The following ROBO4 variants were observed in gnomAD, a reference collection of about 807,000 sequenced individuals.
ROBO4 encodes the protein roundabout guidance receptor 4, also known as roundabout homolog 4.
Under a neutral mutation model 103.3 loss-of-function variants are expected in ROBO4, and 80 were observed. The ratio of observed to expected loss-of-function variants is 0.77; its 90% CI spans 0.65 to 0.93. The LOEUF (loss-of-function observed/expected upper bound fraction) is 0.93, where lower values mean the gene tolerates loss of function less well. ROBO4 is among the 40% of genes least tolerant of loss of function. The pLI is 0.00. For synonymous variants in ROBO4, 504 were observed against 529.7 expected (o/e 0.95, Z 0.67); for missense variants, 1,333 against 1,305.3 (o/e 1.02, Z -0.33).
intron 2 of ROBO4, 54 bp downstream of exon 2, chr11:124,896,878 C>A: frequency 6.3e-7 from 1 of 1,575,350 alleles, no homozygotes. Flanking sequence ...ACATTCAGCT[C>A]AGATGTCTCC....
Position 124,897,050 on chromosome 11 carries a change from AG to A in ROBO4, c.281del (p.Pro94LeufsTer100), listed in dbSNP as rs1376565313. The A allele has an allele frequency of 6.2e-7, 1 of 1,613,520 alleles. No homozygotes were observed. Among genetic ancestry groups the A allele is most frequent in the Non-Finnish European group, 8.5e-7 (1 of 1,179,788 alleles). On this transcript the variant is annotated frameshift_variant, in exon 2 of 18. Coordinates refer to ENST00000306534, the MANE Select transcript of ROBO4 (RefSeq NM_019055.6). LOFTEE classifies it high-confidence loss of function. ...GGCCATCGTGGGCATGTCCCCGGGC[AG>A]GGGGCTGTAGCAGCAGAAGGGTCCC... ...PDGTLLLLQP[P>X]ARGHAHDGQA...
rs1283874929 is a variant in ROBO4, at chr11:124,891,529, G to A, written c.1718C>T (p.Pro573Leu). ...LSWDSRSPGV[P>L]LLPDTSTFYG... Reference sequence around the variant, plus strand: ...AAAAGTGCTGGTGTCTGGAAGCAGGGGCACGCCGGGGCTTCGGGAGTCCCA... The same window carrying A: ...AAAAGTGCTGGTGTCTGGAAGCAGGAGCACGCCGGGGCTTCGGGAGTCCCA... The change falls in exon 12 of 18, where the codon CCC (proline) becomes CTC (leucine). Residue 573 changes from proline to leucine, a missense_variant. Transcript: ENST00000306534. 4.3e-6 allele frequency: 7 copies of A among 1,614,084 alleles called. No homozygotes were observed. The highest frequency in any genetic ancestry group is 5.9e-6 in the Non-Finnish European group (7 of 1,180,038).
At chr11:124,895,219 A>T in intron 6 of ROBO4, 26 bp from the exon 7 acceptor site, 1 of 1,541,694 alleles carries the variant, frequency 6.5e-7, no homozygotes, top group African/African-American at 1.4e-5. Flanking sequence ...AGAGACTATG[A>T]GGGGCTCTGA....
chr11:124,885,059 G>C lies in ROBO4; in HGVS notation c.2983C>G (p.Arg995Gly). The C allele has an allele frequency of 6.2e-7, 1 of 1,614,144 alleles. No individual in the cohort carries two copies. Among genetic ancestry groups the C allele is most frequent in the Non-Finnish European group, 8.5e-7 (1 of 1,180,018 alleles). Residue 995 changes from arginine (R) to glycine (G), a missense_variant, in exon 17 of 18, where the codon CGT (arginine) becomes GGT (glycine). Arg to Gly is a moderately radical substitution (Grantham distance 125, BLOSUM62 -2). Transcript: ENST00000306534. ...CACTCACCACCAGCCTTGGGCATAC[G>C]ACAGTGGAGCTGACTTCTCTGGGAA... ...ISSQRSQLHC[R>G]MPKAGASPVD...
chr11:124,886,652 C>A lies in ROBO4; in HGVS notation c.2606G>T (p.Ser869Ile). The change falls in exon 16 of 18, where the codon AGC (serine) becomes ATC (isoleucine). Residue 869 changes from serine to isoleucine, a missense_variant. Physicochemically the swap from Ser to Ile is moderately radical, Grantham distance 142. Coordinates refer to ENST00000306534, the MANE Select transcript of ROBO4 (RefSeq NM_019055.6). ...CCAACCATTGGCTAAGGAGCCCTCG[C>A]TGGGGGTGGGGGTGAGGCAGGGCCG... ...PPRPCLTPTP[S>I]EGSLANGWGS... 1 of 1,613,978 alleles carries A rather than the reference C, an allele frequency of 6.2e-7. No individual in the cohort carries two copies. Among genetic ancestry groups the A allele is most frequent in the South Asian group, 1.1e-5 (1 of 91,068 alleles).
Position 124,893,964 on chromosome 11 carries a change from C to T in ROBO4, c.1400G>A (p.Arg467Gln), listed in dbSNP as rs141436705. ...ACCGCAGGTGGCAATGACCTCAGGCCGCTTCAAGGTAGCCCTCAGCTGCTC... is the reference window on the plus strand; with the variant it reads ...ACCGCAGGTGGCAATGACCTCAGGCTGCTTCAAGGTAGCCCTCAGCTGCTC... ...TLEQLRATLK[R>Q]PEVIATCGVA... The change falls in exon 9 of 18, where the codon CGG becomes CAG. Residue 467 changes from arginine to glutamine, a missense_variant. Arg to Gln is a conservative substitution (Grantham distance 43). Coordinates refer to ENST00000306534, the MANE Select transcript of ROBO4 (RefSeq NM_019055.6). The T allele has an allele frequency of 1.7e-5, 27 of 1,602,622 alleles. No individual in the cohort carries two copies. The East Asian group carries it at 2.0e-4, about 12-fold the overall frequency.
In ROBO4 at chr11:124,887,762, C is replaced by T; in HGVS notation, c.2027G>A (p.Arg676Lys). Residue 676 changes from arginine (R) to lysine (K), a missense_variant, in exon 13 of 18, where the codon AGA becomes AAA. Coordinates refer to ENST00000306534, the MANE Select transcript of ROBO4 (RefSeq NM_019055.6). ...GCTTTGGGAAAGGTTCTTGGAACCT[C>T]TATTTCCTAACTCACAGGCCCGGAG... ...LELRACELGN[R>K]GSKNLSQSPG... 1 of 1,614,024 alleles carries T rather than the reference C, an allele frequency of 6.2e-7. No homozygotes were observed. The highest frequency in any genetic ancestry group is 8.5e-7 in the Non-Finnish European group (1 of 1,179,922).
rs371743207 is a variant in ROBO4, at chr11:124,886,687, C to G, written c.2571G>C (p.Leu857=). Reference sequence around the variant, plus strand: ...GGGTGAGGCAGGGCCGAGGTGGGCACAGCAAGACTCCCCCCTTGGGCCCCA... The same window carrying G: ...GGGTGAGGCAGGGCCGAGGTGGGCAGAGCAAGACTCCCCCCTTGGGCCCCA... The part of the protein sequence containing the change: ...GGVGPKGGVL[L]CPPRPCLTPT... The change falls in exon 16 of 18, where the codon CTG becomes CTC. Residue 857 remains leucine (L), a synonymous_variant. Transcript: ENST00000306534. 1.9e-6 allele frequency: 3 copies of G among 1,611,468 alleles called. No homozygotes were observed. In the African/African-American group the frequency reaches 4.0e-5, roughly 22 times the overall value.
Position 124,885,021 on chromosome 11 carries a change from C to A in ROBO4, c.3001+20G>T, listed in dbSNP as rs1459409092. 2.5e-6 allele frequency: 4 copies of A among 1,613,800 alleles called. No homozygotes were observed. The African/African-American group carries it at 5.3e-5, about 22-fold the overall frequency. On this transcript the variant is annotated intron_variant, in intron 17 of 17. Coordinates refer to ENST00000306534, the MANE Select transcript of ROBO4 (RefSeq NM_019055.6). ...CCTCTGGTCAAGATGAACACATTAG[C>A]CAGGAAGACAGACACTCACCACCAG...
In ROBO4 at chr11:124,894,190, A is replaced by G; in HGVS notation, c.1318+11T>C. 1 of 1,604,374 alleles carries G rather than the reference A, an allele frequency of 6.2e-7. No homozygotes were observed. The highest frequency in any genetic ancestry group is 8.5e-7 in the Non-Finnish European group (1 of 1,174,320). Reference sequence around the variant, plus strand: ...TGAAGGGTAGGGTGGGTCTGTGGGCACTGCCCTCACCTAAAAGGAGGCAGA... The same window carrying G: ...TGAAGGGTAGGGTGGGTCTGTGGGCGCTGCCCTCACCTAAAAGGAGGCAGA... On this transcript the variant is annotated intron_variant, in intron 8 of 17. Transcript: ENST00000306534.
chr11:124,893,793 C>G, intron 9 of ROBO4, 63 bp from the exon 10 acceptor site: 1 of 1,612,826 alleles, frequency 6.2e-7, no homozygotes, highest in Non-Finnish European at 8.5e-7. Context: ...AGATCCAAAG[C>G]CCCTGCACCA....
chr11:124,886,390 A>G, intron 16 of ROBO4, 74 bp downstream of exon 16: 1 of 1,174,218 alleles, frequency 8.5e-7, no homozygotes, highest in Non-Finnish European at 1.2e-6. Context: ...TTGTTTTAAC[A>G]ATGATGACAT....
intron 1 of ROBO4, chr11:124,897,489 C>T (rs772655201): frequency 3.4e-6 from 2 of 584,546 alleles, no homozygotes; most frequent in Non-Finnish European, 6.1e-6. Context: ...CTCTCTCTCT[C>T]TCTCTTACTT....
intron 4 of ROBO4, 140 bp from the exon 5 acceptor site, chr11:124,896,052 T>C (rs1470269826): frequency 6.6e-7 from 1 of 1,518,674 alleles, no homozygotes; most frequent in East Asian, 2.3e-5. Context: ...CGATTTCTAC[T>C]CTAGCAGGGG....
At chr11:124,886,392 T>C (rs1946712014) in intron 16 of ROBO4, 72 bp downstream of exon 16, 1 of 1,181,116 alleles carries the variant, frequency 8.5e-7, no homozygotes, top group Non-Finnish European at 1.2e-6. Flanking sequence ...GTTTTAACAA[T>C]GATGACATGA....
At chr11:124,892,364 T>G (rs568973705) in intron 10 of ROBO4, 3 of 276,246 alleles carry the variant, frequency 1.1e-5, no homozygotes, top group Admixed American at 4.7e-5. Context: ...CTTCTCTGCG[T>G]AAGACCTTCA....
rs373760832 is a variant in ROBO4 at position 124,894,006 on chromosome 11, T to C, written c.1358A>G (p.His453Arg). Reference protein sequence around the residue: ...MERATQEPSEHGPWTLEQLRA... With the variant: ...MERATQEPSERGPWTLEQLRA... ...CAGCTGCTCCAGGGTCCAGGGACCATGCTCACTGGGTTCTTGGGTGGCTCG... is the reference window on the plus strand; with the variant it reads ...CAGCTGCTCCAGGGTCCAGGGACCACGCTCACTGGGTTCTTGGGTGGCTCG... Residue 453 changes from histidine to arginine, a missense_variant, in exon 9 of 18, where the codon CAT becomes CGT. Coordinates refer to ENST00000306534, the MANE Select transcript of ROBO4 (RefSeq NM_019055.6). 175 of 1,568,004 alleles carry C rather than the reference T, an allele frequency of 1.1e-4. 1 individual carries two copies. Among genetic ancestry groups the C allele is most frequent in the Non-Finnish European group, 1.5e-4 (168 of 1,157,754 alleles).
chr11:124,888,438 G>A (rs1416751520), intron 12 of ROBO4, among the ~76,000 whole-genome samples: 2 of 152,200 alleles, frequency 1.3e-5, no homozygotes, highest in African/African-American at 4.8e-5. Flanking sequence ...AGCTGAGTGG[G>A]TAGGACAAAA....
Position 124,886,605 on chromosome 11 carries a change from C to T in ROBO4, c.2653G>A (p.Ala885Thr). Residue 885 changes from alanine (A) to threonine (T), a missense_variant, in exon 16 of 18, where the codon GCC becomes ACC. Transcript: ENST00000306534. Reference protein sequence around the residue: ...NGWGSASEDNAASARASLVSS... With the variant: ...NGWGSASEDNTASARASLVSS... ...ACAAGGCTGGCTCTGGCGCTGGCGGCATTGTCCTCAGAGGCTGAGCCCCAA... is the reference window on the plus strand; with the variant it reads ...ACAAGGCTGGCTCTGGCGCTGGCGGTATTGTCCTCAGAGGCTGAGCCCCAA... 6.2e-7 allele frequency: 1 copy of T among 1,614,184 alleles called. No homozygotes were observed. The highest frequency in any genetic ancestry group is 1.1e-5 in the South Asian group (1 of 91,080).
Sources: allele counts gnomAD v4.1 joint callset (sites outside exome capture counted in the v4.1 genomes callset), GRCh38; gene constraint gnomAD v4.1.1; transcripts MANE v1.5; gene names NCBI Gene and HGNC (gene_info 2026-07-23, HGNC 2026-07-21).